Variants in GLRA3 observed in about 807,000 individuals in gnomAD.
GLRA3 encodes the protein glycine receptor subunit alpha-3.
A neutral mutation model predicts 60.4 loss-of-function variants in GLRA3; 44 were observed. The ratio of observed to expected loss-of-function variants is 0.73; its 90% CI spans 0.57 to 0.94. The LOEUF (loss-of-function observed/expected upper bound fraction) is 0.94, where lower values mean the gene tolerates loss of function less well. Among genes scored for constraint, GLRA3 ranks in the 40% least tolerant of loss-of-function variants. The probability of loss-of-function intolerance (pLI) is 0.00; values close to 1 mark genes in which losing one functional copy is unlikely to be tolerated. For synonymous variants in GLRA3, 223 were observed against 192.9 expected (o/e 1.16, Z -1.29); for missense variants, 508 against 564.6 (o/e 0.90, Z 1.02).
At chr4:174,796,754 C>A (rs1457847446) in intron 1 of GLRA3, among the ~76,000 whole-genome samples, 1 of 152,116 alleles carries the variant, frequency 6.6e-6, no homozygotes, top group Non-Finnish European at 1.5e-5. Flanking sequence ...CCAAGATGGT[C>A]TGGATCTCTT....
chr4:174,656,665 C>G, intron 9 of GLRA3, 78 bp downstream of exon 9: 2 of 765,878 alleles, frequency 2.6e-6, no homozygotes, highest in Non-Finnish European at 4.7e-6. Context: ...CAAACACTGC[C>G]TTGGTAGTGC....
intron 3 of GLRA3, among the ~76,000 whole-genome samples, chr4:174,743,931 C>T (rs1579539211): frequency 6.6e-6 from 1 of 152,142 alleles, no homozygotes; most frequent in East Asian, 1.9e-4. Flanking sequence ...TACACCACTG[C>T]AGCTGCAGCT....
At chr4:174,716,460 G>A (rs1283290411) in intron 4 of GLRA3, among the ~76,000 whole-genome samples, 1 of 151,932 alleles carries the variant, frequency 6.6e-6, no homozygotes, top group Non-Finnish European at 1.5e-5. Context: ...ATCTCTTCAG[G>A]GTAGTTTTTC....
intron 3 of GLRA3, among the ~76,000 whole-genome samples, chr4:174,739,101 G>C (rs993296968): frequency 6.6e-6 from 1 of 152,228 alleles, no homozygotes; most frequent in Non-Finnish European, 1.5e-5. Context: ...TTTTGGGATA[G>C]TTTGCTATGC....
intron 2 of GLRA3, among the ~76,000 whole-genome samples, chr4:174,770,828 G>T (rs1046936996): frequency 6.6e-6 from 1 of 151,848 alleles, no homozygotes; most frequent in Admixed American, 6.6e-5. Context: ...CACTATGTGG[G>T]AGAGGAGTAA....
rs150966453 is a variant in GLRA3, at chr4:174,770,915, A to C, written c.200-3885T>G. 4.3e-4 allele frequency among the ~76,000 whole-genome samples: 66 copies of C among 152,106 alleles called. 1 individual carries two copies. The East Asian group carries it at 0.012, about 28-fold the overall frequency. On this transcript the variant is annotated intron_variant, in intron 2 of 9. Transcript: ENST00000274093. ...ACTATGCAGCCATAAAAAATGAAAG[A>C]GTTCATGTCCTTTGTAGGGACATGG...
At chr4:174,778,919 T>C (rs1305481702) in intron 2 of GLRA3, among the ~76,000 whole-genome samples, 14 of 152,170 alleles carry the variant, frequency 9.2e-5, no homozygotes, top group Admixed American at 1.3e-4. Context: ...TGCCCAGGCT[T>C]GCTTAGGTAA....
In GLRA3 at chr4:174,816,181, T is replaced by C. The variant is rs576607692; in HGVS notation, c.71+12560A>G. Among the ~76,000 whole-genome samples, 18 of 152,226 alleles carry C rather than the reference T, an allele frequency of 1.2e-4. No homozygotes were observed. The East Asian group carries it at 3.5e-3, about 29-fold the overall frequency. On this transcript the variant is annotated intron_variant, in intron 1 of 9. Coordinates refer to ENST00000274093, the MANE Select transcript of GLRA3 (RefSeq NM_006529.4). The stretch of plus-strand genomic sequence containing the variant: ...AGCTAGGTCCATGATGGGGGAGGAC[T>C]TCTCCTCATCTGCATGCCCCAGTGG...
chr4:174,727,648 C>A (rs548461567), intron 4 of GLRA3, among the ~76,000 whole-genome samples: 1 of 152,204 alleles, frequency 6.6e-6, no homozygotes, highest in South Asian at 2.1e-4. Context: ...TGACAAAGAT[C>A]ATCAAATATA....
At chr4:174,824,848 G>A (rs139065273) in intron 1 of GLRA3, among the ~76,000 whole-genome samples, 9 of 152,048 alleles carry the variant, frequency 5.9e-5, no homozygotes, top group African/African-American at 2.2e-4. Context: ...GTTGCTAAAT[G>A]GAAAAGGTGA....
chr4:174,814,267 T>C (rs146305589), intron 1 of GLRA3, among the ~76,000 whole-genome samples: 1 of 152,262 alleles, frequency 6.6e-6, no homozygotes, highest in East Asian at 1.9e-4. Context: ...GTGGTGAATG[T>C]AGAGGATTAT....
intron 3 of GLRA3, among the ~76,000 whole-genome samples, chr4:174,735,680 C>A (rs1235407345): frequency 1.3e-5 from 2 of 152,264 alleles, no homozygotes; most frequent in African/African-American, 2.4e-5. Context: ...CCTGCCTCAG[C>A]CTCCCAAGTA....
intron 1 of GLRA3, among the ~76,000 whole-genome samples, chr4:174,795,209 A>G (rs2111324094): frequency 6.6e-6 from 1 of 152,136 alleles, no homozygotes; most frequent in Non-Finnish European, 1.5e-5. Flanking sequence ...ATAGACCAAG[A>G]CGGAAGATAT....
intron 2 of GLRA3, among the ~76,000 whole-genome samples, chr4:174,782,955 T>C (rs954822241): frequency 6.6e-6 from 1 of 152,176 alleles, no homozygotes; most frequent in East Asian, 1.9e-4. Context: ...CTTCACAGAA[T>C]TGGAAAAAAC....
intron 5 of GLRA3, among the ~76,000 whole-genome samples, chr4:174,710,439 T>C (rs377589565): frequency 6.6e-6 from 1 of 152,160 alleles, no homozygotes; most frequent in Non-Finnish European, 1.5e-5. Flanking sequence ...AAATATCCAG[T>C]TCTCCCGATT....
chr4:174,745,854 C>T (rs1356535080), intron 3 of GLRA3, among the ~76,000 whole-genome samples: 4 of 151,530 alleles, frequency 2.6e-5, no homozygotes, highest in African/African-American at 7.3e-5. Context: ...GTATACATTT[C>T]TCGAAAGAAG....
At chr4:174,710,647 G>T (rs573750194) in intron 5 of GLRA3, among the ~76,000 whole-genome samples, 24 of 152,060 alleles carry the variant, frequency 1.6e-4, no homozygotes, top group Non-Finnish European at 3.2e-4. Context: ...TTCAAATAAA[G>T]GTTTTGGCTG....
At chr4:174,803,218 C>A (rs186994494) in intron 1 of GLRA3, among the ~76,000 whole-genome samples, 16 of 152,140 alleles carry the variant, frequency 1.1e-4, no homozygotes, top group African/African-American at 3.8e-4. Context: ...ATTGTTATAA[C>A]TTCCTAAAAA....
intron 1 of GLRA3, among the ~76,000 whole-genome samples, chr4:174,821,294 GCTAA>G (rs1740731135): frequency 6.6e-6 from 1 of 152,014 alleles, no homozygotes; most frequent in African/African-American, 2.4e-5. Flanking sequence ...TGCTTTTAAG[GCTAA>G]CTTATTTTAC....
Sources: gnomAD v4.1 joint callset for allele counts (sites outside exome capture counted in the v4.1 genomes callset) on GRCh38, gnomAD v4.1.1 for gene constraint, MANE v1.5 for transcripts, NCBI Gene and HGNC (gene_info 2026-07-23, HGNC 2026-07-21) for gene names.